The following GPRIN2 variants were observed in gnomAD, a reference collection of about 807,000 sequenced individuals.
The protein encoded by GPRIN2 is G protein-regulated inducer of neurite outgrowth 2.
GPRIN2 carries 1 observed loss-of-function variant against 0.3 expected under a neutral mutation model. That is an observed-to-expected ratio of 3.90 (90% CI 1.39 to 18.51). GPRIN2 has a LOEUF of 18.51. GPRIN2 is among the 30% of genes most tolerant of loss of function. The pLI, the probability that GPRIN2 is intolerant of heterozygous loss-of-function variation, is 0.11. For synonymous variants in GPRIN2, 361 were observed against 258.6 expected (o/e 1.40, Z -3.80); for missense variants, 880 against 604.2 (o/e 1.46, Z -4.79).
intron 2 of GPRIN2, among the ~76,000 whole-genome samples, chr10:46,553,173 C>A (rs1044410118): frequency 9.2e-5 from 14 of 152,282 alleles, no homozygotes; most frequent in Non-Finnish European, 1.6e-4. Context: ...TGTGGGGCAG[C>A]TGAGCTCCTC....
rs1832458541 is a variant in GPRIN2 at position 46,550,170 on chromosome 10, C to T, written c.567G>A (p.Leu189=). The part of the protein sequence containing the change: ...EDETSNSAWM[L]GASQLSVPPL... ...GTGGCACTGACAACTGACTCGCCCC[C>T]AGCATCCAGGCTGAGTTAGAAGTCT... is the stretch of plus-strand genomic sequence containing the variant. Residue 189 remains leucine (L), a synonymous_variant, in exon 3 of 3, where the codon CTG becomes CTA. Transcript: ENST00000374314. 3 of 1,599,352 alleles carry T rather than the reference C, an allele frequency of 1.9e-6. No homozygotes were observed. Among genetic ancestry groups the T allele is most frequent in the East Asian group, 2.2e-5 (1 of 44,632 alleles).
At chr10:46,551,303 G>A (rs1565205249) in intron 2 of GPRIN2, 2 of 761,830 alleles carry the variant, frequency 2.6e-6, no homozygotes, top group Non-Finnish European at 3.2e-6. Flanking sequence ...CACAGGACGA[G>A]GGAGCAATGA....
In GPRIN2 at chr10:46,548,497, C is replaced by A. The variant is rs568840540; in HGVS notation, c.*863G>T. On this transcript the variant is annotated 3_prime_UTR_variant, in exon 3 of 3. Transcript: ENST00000374314. ...TGTAACTGAGATTAGGGCAGGTGGCCACCCATTCTCCCCTTCCTCAGGCCA... is the reference window on the plus strand; with the variant it reads ...TGTAACTGAGATTAGGGCAGGTGGCAACCCATTCTCCCCTTCCTCAGGCCA... 1.3e-5 allele frequency among the ~76,000 whole-genome samples: 2 copies of A among 152,306 alleles called. No homozygotes were observed. The highest frequency in any genetic ancestry group is 2.9e-5 in the Non-Finnish European group (2 of 68,058).
rs1242072310 is a variant in GPRIN2 at position 46,545,855 on chromosome 10, T to A, written c.*3505A>T. On this transcript the variant is annotated 3_prime_UTR_variant, in exon 3 of 3. Transcript: ENST00000374314. ...GAAGGAGGCACCATTGTCATCCCCA[T>A]CTTACAGATGAGGAAGATGATCAAG... Among the ~76,000 whole-genome samples, 1 of 152,312 alleles carries A rather than the reference T, an allele frequency of 6.6e-6. No individual in the cohort carries two copies. Among genetic ancestry groups the A allele is most frequent in the Non-Finnish European group, 1.5e-5 (1 of 68,058 alleles).
chr10:46,556,378 A>T (rs1227727040), intron 1 of GPRIN2, among the ~76,000 whole-genome samples, 120 bp downstream of exon 1: 2 of 152,304 alleles, frequency 1.3e-5, no homozygotes, highest in Non-Finnish European at 2.9e-5. Context: ...GGCAGGGGCC[A>T]GGATGCCGGG....
At chr10:46,554,978 G>A (rs1263779876) in intron 1 of GPRIN2, among the ~76,000 whole-genome samples, 3 of 152,306 alleles carry the variant, frequency 2.0e-5, no homozygotes, top group Non-Finnish European at 4.4e-5. Flanking sequence ...ACAGAGTCTC[G>A]CTCTGTCTCC....
Position 46,550,245 on chromosome 10 carries a change from C to G in GPRIN2, c.492G>C (p.Gln164His). 6.2e-7 allele frequency: 1 copy of G among 1,609,258 alleles called. No individual in the cohort carries two copies. Reference protein sequence around the residue: ...AQLQPGGTSGQGGQAPAGLER... With the variant: ...AQLQPGGTSGHGGQAPAGLER... ...CCAGGCCTGCAGGGGCCTGGCCACCCTGGCCAGAAGTACCACCTGGCTGCA... is the reference window on the plus strand; with the variant it reads ...CCAGGCCTGCAGGGGCCTGGCCACCGTGGCCAGAAGTACCACCTGGCTGCA... Residue 164 changes from glutamine (Q) to histidine (H), a missense_variant, in exon 3 of 3, where the codon CAG becomes CAC. Gln to His is a conservative substitution (Grantham distance 24, BLOSUM62 0). Transcript: ENST00000374314.
At chr10:46,555,517 G>C (rs1290593105) in intron 1 of GPRIN2, 2 of 153,638 alleles carry the variant, frequency 1.3e-5, no homozygotes, top group Non-Finnish European at 2.9e-5. Flanking sequence ...GGGCAAAGCA[G>C]CAGGCAGCAT....
chr10:46,551,079 G>A (rs971196419), intron 2 of GPRIN2, among the ~76,000 whole-genome samples: 4 of 152,304 alleles, frequency 2.6e-5, no homozygotes, highest in East Asian at 1.9e-4. Flanking sequence ...AAGGGAGAGA[G>A]CCAAATCTGC....
rs1832336537 is a variant in GPRIN2 at position 46,550,534 on chromosome 10, G to T, written c.203C>A (p.Pro68Gln). The T allele has an allele frequency of 5.0e-6, 8 of 1,594,178 alleles. No individual in the cohort carries two copies. The highest frequency in any genetic ancestry group is 4.0e-5 in the African/African-American group (3 of 74,638). Residue 68 changes from proline (P) to glutamine (Q), a missense_variant, in exon 3 of 3, where the codon CCG becomes CAG. By Grantham distance (76) the Pro-to-Gln change is moderately conservative. Coordinates refer to ENST00000374314, the MANE Select transcript of GPRIN2 (RefSeq NM_001385282.1). ...RPQAPEEEGNPPESMKPARAS... is the reference protein window; with the variant it reads ...RPQAPEEEGNQPESMKPARAS... ...CCGTGCTGGCTTCATGCTCTCAGGC[G>T]GGTTCCCCTCTTCCTCCGGGGCCTG... is the stretch of plus-strand genomic sequence containing the variant.
In GPRIN2 at chr10:46,545,670, G is replaced by A. The variant is rs1382700983; in HGVS notation, c.*3690C>T. Among the ~76,000 whole-genome samples, 7 of 152,310 alleles carry A rather than the reference G, an allele frequency of 4.6e-5. No individual in the cohort carries two copies. Among genetic ancestry groups the A allele is most frequent in the African/African-American group, 1.7e-4 (7 of 41,486 alleles). On this transcript the variant is annotated 3_prime_UTR_variant, in exon 3 of 3. Transcript: ENST00000374314. The stretch of plus-strand genomic sequence containing the variant: ...CTGAACAAGGGACTTTTAAGGAAGT[G>A]GGATGTGGGCTGTGATCACAGCCAA...
At chr10:46,551,284 G>T in intron 2 of GPRIN2, 1 of 613,526 alleles carries the variant, frequency 1.6e-6, no homozygotes, top group Non-Finnish European at 2.0e-6. Context: ...TGGGAGCTCA[G>T]AGAAAGTTCA....
rs1270198306 is a variant in GPRIN2 at position 46,550,303 on chromosome 10, G to A, written c.434C>T (p.Ala145Val). ...CCTGTGGACAGGGCTGCTGCCAAGG[G>A]CTGAGCAGCTGAGACTGGCCTTCCG... ...GARKASLSCSALGSSPVHRAQ... is the reference protein window; with the variant it reads ...GARKASLSCSVLGSSPVHRAQ... The change falls in exon 3 of 3, where the codon GCC (alanine) becomes GTC (valine). Residue 145 changes from alanine (A) to valine (V), a missense_variant. Coordinates refer to ENST00000374314, the MANE Select transcript of GPRIN2 (RefSeq NM_001385282.1). 1.2e-6 allele frequency: 2 copies of A among 1,613,012 alleles called. No homozygotes were observed. The highest frequency in any genetic ancestry group is 2.2e-5 in the East Asian group (1 of 44,906).
chr10:46,550,733 T>G lies in GPRIN2; in HGVS notation c.4A>C (p.Ser2Arg). The part of the protein sequence containing the change: M[S>R]SSRPEPGPWA... ...GGACCCGGCTCGGGGCGGCTGGAGC[T>G]CATGGCTGCCTGCAGAAGAGAGAAA... Residue 2 changes from serine (S) to arginine (R), a missense_variant, in exon 3 of 3, where the codon AGC becomes CGC. Ser to Arg is a moderately radical substitution (Grantham distance 110, BLOSUM62 -1). Coordinates refer to ENST00000374314, the MANE Select transcript of GPRIN2 (RefSeq NM_001385282.1). The G allele has an allele frequency of 6.6e-7, 1 of 1,506,212 alleles. No individual in the cohort carries two copies. Among genetic ancestry groups the G allele is most frequent in the Non-Finnish European group, 8.9e-7 (1 of 1,129,724 alleles). 93.3% of individuals were successfully genotyped at this position (1,506,212 alleles called of 1,614,324 possible). A position where few individuals can be genotyped will look rare whatever the true frequency, so the allele number is the denominator to read the frequency against.
rs1832426562 is a variant in GPRIN2 at position 46,550,274 on chromosome 10, G to C, written c.463C>G (p.Gln155Glu). The change falls in exon 3 of 3, where the codon CAG becomes GAG. Residue 155 changes from glutamine (Q) to glutamate (E), a missense_variant. Transcript: ENST00000374314. The part of the protein sequence containing the change: ...ALGSSPVHRA[Q>E]LQPGGTSGQG... Reference sequence around the variant, plus strand: ...CCAGAAGTACCACCTGGCTGCAGCTGAGCCCTGTGGACAGGGCTGCTGCCA... The same window carrying C: ...CCAGAAGTACCACCTGGCTGCAGCTCAGCCCTGTGGACAGGGCTGCTGCCA... 3 of 1,612,102 alleles carry C rather than the reference G, an allele frequency of 1.9e-6. No homozygotes were observed. Among genetic ancestry groups the C allele is most frequent in the African/African-American group, 2.7e-5 (2 of 74,944 alleles).
rs1842210208 is a variant in GPRIN2 at position 46,546,918 on chromosome 10, G to A, written c.*2442C>T. 1.3e-5 allele frequency among the ~76,000 whole-genome samples: 2 copies of A among 152,310 alleles called. No individual in the cohort carries two copies. The highest frequency in any genetic ancestry group is 1.5e-5 in the Non-Finnish European group (1 of 68,056). The stretch of plus-strand genomic sequence containing the variant: ...CGATGAGGTGAGTGGGAGCTTGGCT[G>A]AGCCCAGCCCGGCCTGCCATCCTGG... On this transcript the variant is annotated 3_prime_UTR_variant, in exon 3 of 3. Coordinates refer to ENST00000374314, the MANE Select transcript of GPRIN2 (RefSeq NM_001385282.1).
chr10:46,547,757 G>T lies in GPRIN2; in HGVS notation c.*1603C>A, dbSNP rs1300462203. 2.0e-5 allele frequency among the ~76,000 whole-genome samples: 3 copies of T among 152,308 alleles called. No individual in the cohort carries two copies. Among genetic ancestry groups the T allele is most frequent in the Non-Finnish European group, 4.4e-5 (3 of 68,058 alleles). ...TCACTCCCCAGAACGTGAGCTGCCT[G>T]CCCTGGCACCATACACAAAGGGACT... On this transcript the variant is annotated 3_prime_UTR_variant, in exon 3 of 3. Coordinates refer to ENST00000374314, the MANE Select transcript of GPRIN2 (RefSeq NM_001385282.1).
rs1310998554 is a variant in GPRIN2, at chr10:46,545,731, A to G, written c.*3629T>C. Among the ~76,000 whole-genome samples, 2 of 152,426 alleles carry G rather than the reference A, an allele frequency of 1.3e-5. No homozygotes were observed. Among genetic ancestry groups the G allele is most frequent in the Non-Finnish European group, 2.9e-5 (2 of 68,050 alleles). On this transcript the variant is annotated 3_prime_UTR_variant, in exon 3 of 3. Transcript: ENST00000374314. Reference sequence around the variant, plus strand: ...TAAGAGGTGGCCCCTGAATGTGGCTATGAGAGGGGTGCCCAACACTACCAG... The same window carrying G: ...TAAGAGGTGGCCCCTGAATGTGGCTGTGAGAGGGGTGCCCAACACTACCAG...
chr10:46,555,948 C>T (rs1843161342), intron 1 of GPRIN2, among the ~76,000 whole-genome samples: 2 of 152,310 alleles, frequency 1.3e-5, no homozygotes, highest in South Asian at 2.1e-4. Context: ...AGCACCGCAC[C>T]ACGCAGCCTC....
Sources: gnomAD v4.1 joint callset for allele counts (sites outside exome capture counted in the v4.1 genomes callset) on GRCh38, gnomAD v4.1.1 for gene constraint, MANE v1.5 for transcripts, NCBI Gene and HGNC (gene_info 2026-07-23, HGNC 2026-07-21) for gene names.